MAP3K1: variants seen among roughly 807,000 people sequenced by gnomAD.
MAP3K1 encodes MAP/ERK kinase kinase 1.
A neutral mutation model predicts 144.2 loss-of-function variants in MAP3K1; 36 were observed. The observed-to-expected ratio is 0.25, with a 90% CI of 0.19 to 0.33. The LOEUF is 0.33. Ranked by LOEUF, MAP3K1 falls within the 10% of genes least tolerant of loss-of-function variation. The pLI, the probability that MAP3K1 is intolerant of heterozygous loss-of-function variation, is 1.00. For synonymous variants in MAP3K1, 718 were observed against 688.7 expected (o/e 1.04, Z -0.67); for missense variants, 1,650 against 1,881.9 (o/e 0.88, Z 2.28).
At chr5:56,873,733 A>G (rs1465386807) in intron 9 of MAP3K1, among the ~76,000 whole-genome samples, 1 of 152,230 alleles carries the variant, frequency 6.6e-6, no homozygotes. Context: ...GAACAGGTGC[A>G]TTAACACATT....
chr5:56,828,279 G>A (rs1746380529), intron 1 of MAP3K1, among the ~76,000 whole-genome samples: 1 of 152,118 alleles, frequency 6.6e-6, no homozygotes, highest in Non-Finnish European at 1.5e-5. Flanking sequence ...TCTCCTCAGG[G>A]TTCTTATCTC....
chr5:56,861,478 A>C (rs1179495651), intron 3 of MAP3K1, among the ~76,000 whole-genome samples: 1 of 150,604 alleles, frequency 6.6e-6, no homozygotes, highest in East Asian at 2.0e-4. Flanking sequence ...AGGCTGAGGC[A>C]GAGAGAATGG....
chr5:56,893,551 T>A lies in MAP3K1; in HGVS notation c.4410T>A (p.Ala1470=), dbSNP rs772805580. The change falls in exon 20 of 20, where the codon GCT becomes GCA. Residue 1470 remains alanine, a synonymous_variant. Transcript: ENST00000399503. ...LIFKIASATT[A]PSIPSHLSPG... is the part of the protein sequence containing the mutation. ...CACAGATTGCTAGTGCAACTACTGC[T>A]CCATCGATCCCTTCACATTTGTCTC... 6.2e-7 allele frequency: 1 copy of A among 1,613,970 alleles called. No homozygotes were observed. The highest frequency in any genetic ancestry group is 8.5e-7 in the Non-Finnish European group (1 of 1,179,864).
chr5:56,841,360 A>G (rs997207509), intron 1 of MAP3K1, among the ~76,000 whole-genome samples: 4 of 152,134 alleles, frequency 2.6e-5, no homozygotes. Flanking sequence ...TCTTAGTAAT[A>G]AAGTTTGAAT....
At chr5:56,887,633 C>A in intron 18 of MAP3K1, 113 bp downstream of exon 18, 1 of 1,132,170 alleles carries the variant, frequency 8.8e-7, no homozygotes, top group Non-Finnish European at 1.3e-6. Flanking sequence ...ACTAGAAGTC[C>A]GTGGCCCTTA....
Position 56,816,018 on chromosome 5 carries a change from C to T in MAP3K1, c.445C>T (p.Pro149Ser), listed in dbSNP as rs1745942263. ...AAAEPGEKRA[P>S]AAEPSPAAAP... ...GGCCGAGCCCGGGGAGAAGCGGGCG[C>T]CCGCCGCCGAGCCGTCTCCTGCAGC... is the stretch of plus-strand genomic sequence containing the variant. Residue 149 changes from proline to serine, a missense_variant, in exon 1 of 20, where the codon CCC (proline) becomes TCC (serine). Physicochemically the swap from Pro to Ser is moderately conservative, Grantham distance 74 (BLOSUM62 -1). Transcript: ENST00000399503. The T allele has an allele frequency of 8.2e-6, 10 of 1,224,134 alleles. No individual in the cohort carries two copies. Among genetic ancestry groups the T allele is most frequent in the South Asian group, 4.0e-5 (1 of 25,122 alleles). 75.8% of individuals were successfully genotyped at this position (1,224,134 alleles called of 1,614,324 possible).
Position 56,894,392 on chromosome 5 carries a change from T to C in MAP3K1, c.*712T>C, listed in dbSNP as rs181104370. On this transcript the variant is annotated 3_prime_UTR_variant, in exon 20 of 20. Coordinates refer to ENST00000399503, the MANE Select transcript of MAP3K1 (RefSeq NM_005921.2). ...CCAGAAAAAAAAAATGAACTAGATATGAAGTAGAGTTCATTAAATATCTTG... is the reference window on the plus strand; with the variant it reads ...CCAGAAAAAAAAAATGAACTAGATACGAAGTAGAGTTCATTAAATATCTTG... The C allele has an allele frequency of 2.2e-5, 5 of 232,526 alleles. No individual in the cohort carries two copies. In the East Asian group the frequency reaches 3.0e-4, roughly 14 times the overall value. The allele number at this position is 232,526 out of a possible 1,614,324, so 14.4% of individuals were successfully genotyped here. A position where few individuals can be genotyped will look rare whatever the true frequency, so the allele number is the denominator to read the frequency against.
chr5:56,888,438 T>A (rs1487930342), intron 19 of MAP3K1, 81 bp downstream of exon 19: 1 of 1,156,006 alleles, frequency 8.7e-7, no homozygotes, highest in Non-Finnish European at 1.3e-6. Flanking sequence ...TGATGGGTTC[T>A]CCCTAACAAT....
intron 9 of MAP3K1, among the ~76,000 whole-genome samples, chr5:56,873,496 A>G (rs1015119064): frequency 6.6e-6 from 1 of 152,198 alleles, no homozygotes; most frequent in Admixed American, 6.5e-5. Flanking sequence ...TTTATTTGTA[A>G]GAACAGTTTC....
chr5:56,879,251 C>A, intron 11 of MAP3K1, 150 bp downstream of exon 11: 1 of 1,171,546 alleles, frequency 8.5e-7, no homozygotes, highest in Non-Finnish European at 1.3e-6. Flanking sequence ...GAAAATGCAG[C>A]ATAAAGCTCT....
chr5:56,835,596 A>G (rs1000730340), intron 1 of MAP3K1, among the ~76,000 whole-genome samples: 2 of 151,778 alleles, frequency 1.3e-5, no homozygotes, highest in African/African-American at 4.8e-5. Flanking sequence ...GATGAAGGAG[A>G]GGTGCGGAAT....
intron 2 of MAP3K1, among the ~76,000 whole-genome samples, chr5:56,857,423 A>G (rs1306806553): frequency 6.6e-6 from 1 of 152,144 alleles, no homozygotes; most frequent in Admixed American, 6.6e-5. Context: ...GTGTGTCTTC[A>G]TTCTTACAAA....
intron 18 of MAP3K1, chr5:56,887,734 T>C: frequency 5.4e-6 from 3 of 556,556 alleles, no homozygotes; most frequent in Non-Finnish European, 6.4e-6. Flanking sequence ...ATAGATTTAC[T>C]TAACGGCTGT....
At chr5:56,832,325 AT>A (rs1189117725) in intron 1 of MAP3K1, among the ~76,000 whole-genome samples, 1 of 152,194 alleles carries the variant, frequency 6.6e-6, no homozygotes, top group Non-Finnish European at 1.5e-5. Context: ...TTGTTGAGAG[AT>A]TTCCTACTTC....
At chr5:56,826,749 G>A (rs76558927) in intron 1 of MAP3K1, among the ~76,000 whole-genome samples, 3,040 of 152,332 alleles carry the variant, frequency 0.02, 122 homozygotes, top group African/African-American at 0.069. Flanking sequence ...TCTTTCCTGA[G>A]AAATGAAAGG....
chr5:56,866,113 G>A, intron 6 of MAP3K1, 136 bp downstream of exon 6: 1 of 879,464 alleles, frequency 1.1e-6, no homozygotes, highest in South Asian at 1.5e-5. Flanking sequence ...AAAATCAAGG[G>A]TGAAGATACT....
chr5:56,836,660 T>A (rs1030827454), intron 1 of MAP3K1, among the ~76,000 whole-genome samples: 14 of 152,212 alleles, frequency 9.2e-5, no homozygotes, highest in African/African-American at 3.4e-4. Flanking sequence ...TTATTGAAGT[T>A]TTGTCTTGTG....
chr5:56,819,014 A>G (rs925343051), intron 1 of MAP3K1, among the ~76,000 whole-genome samples: 3 of 151,938 alleles, frequency 2.0e-5, no homozygotes, highest in African/African-American at 7.2e-5. Context: ...ACTTTATAAA[A>G]ATAAAGGTAG....
At chr5:56,890,937 T>C (rs1426502658) in intron 19 of MAP3K1, among the ~76,000 whole-genome samples, 1 of 151,484 alleles carries the variant, frequency 6.6e-6, no homozygotes, top group Non-Finnish European at 1.5e-5. Context: ...TCCAGGGTAC[T>C]CAGGAGGTTG....
Sources: allele counts gnomAD v4.1 joint callset (sites outside exome capture counted in the v4.1 genomes callset), GRCh38; gene constraint gnomAD v4.1.1; transcripts MANE v1.5; gene names NCBI Gene and HGNC (gene_info 2026-07-23, HGNC 2026-07-21).